SEMA4D: variants seen among roughly 807,000 people sequenced by gnomAD.
SEMA4D encodes semaphorin 4D, also known as semaphorin-4D.
Under a neutral mutation model 74.8 loss-of-function variants are expected in SEMA4D, and 22 were observed. The ratio of observed to expected loss-of-function variants is 0.29; its 90% CI spans 0.21 to 0.42. SEMA4D has a LOEUF of 0.42. SEMA4D is among the 10% of genes least tolerant of loss of function. The pLI is 1.00. For synonymous variants in SEMA4D, 445 were observed against 463.7 expected (o/e 0.96, Z 0.52); for missense variants, 937 against 1,118.4 (o/e 0.84, Z 2.31).
At chr9:89,401,646 A>G (rs1271879871) in intron 4 of SEMA4D, among the ~76,000 whole-genome samples, 1 of 152,176 alleles carries the variant, frequency 6.6e-6, no homozygotes, top group Non-Finnish European at 1.5e-5. Context: ...CTATGACTTC[A>G]TTGTGACACT....
At chr9:89,461,937 A>G (rs1857366765) in intron 1 of SEMA4D, among the ~76,000 whole-genome samples, 1 of 151,998 alleles carries the variant, frequency 6.6e-6, no homozygotes, top group Non-Finnish European at 1.5e-5. Context: ...TCCTGACCTC[A>G]TGATCTGCCC....
chr9:89,416,288 G>A (rs1008737709), intron 2 of SEMA4D, among the ~76,000 whole-genome samples: 1 of 152,184 alleles, frequency 6.6e-6, no homozygotes, highest in Non-Finnish European at 1.5e-5. Flanking sequence ...AGCGACACGT[G>A]GGAAGACCAC....
chr9:89,441,829 T>C (rs1851734487), intron 2 of SEMA4D, among the ~76,000 whole-genome samples: 1 of 152,176 alleles, frequency 6.6e-6, no homozygotes, highest in Non-Finnish European at 1.5e-5. Flanking sequence ...CTTCAGCTTC[T>C]GATCTAAGTG....
chr9:89,381,155 A>G lies in SEMA4D; in HGVS notation c.1619+19T>C. On this transcript the variant is annotated intron_variant, in intron 14 of 15. Transcript: ENST00000422704. The surrounding 1 kb of genome is among the most constrained non-coding windows in gnomAD (Gnocchi z 4.6). ...ACACACATGGGGGACATCCCCAGGC[A>G]GCGCATCCCGCCCCATACCTGCTGG... is the stretch of plus-strand genomic sequence containing the variant. 1.9e-6 allele frequency: 3 copies of G among 1,614,116 alleles called. No homozygotes were observed. Among genetic ancestry groups the G allele is most frequent in the Non-Finnish European group, 2.5e-6 (3 of 1,180,012 alleles).
intron 1 of SEMA4D, among the ~76,000 whole-genome samples, chr9:89,479,253 G>A (rs1862555821): frequency 6.6e-6 from 1 of 152,224 alleles, no homozygotes; most frequent in African/African-American, 2.4e-5. Context: ...AATCAAGGCA[G>A]TCAGGAAGTA....
intron 1 of SEMA4D, among the ~76,000 whole-genome samples, chr9:89,495,396 A>G (rs1288405007): frequency 2.0e-5 from 3 of 152,050 alleles, no homozygotes; most frequent in African/African-American, 7.2e-5. Context: ...TCTCCACCTG[A>G]CTGAATCAGC....
intron 2 of SEMA4D, among the ~76,000 whole-genome samples, chr9:89,409,821 T>C (rs1158370490): frequency 1.3e-5 from 2 of 152,176 alleles, no homozygotes; most frequent in Non-Finnish European, 2.9e-5. Flanking sequence ...ATCCCCCAAC[T>C]GCAATCAGTC....
chr9:89,387,638 T>A (rs1838823346), intron 11 of SEMA4D, 30 bp from the exon 12 acceptor site: 1 of 1,601,362 alleles, frequency 6.2e-7, no homozygotes, highest in Non-Finnish European at 8.5e-7. Flanking sequence ...GCTGTTAACG[T>A]GCTCGTGTCC....
intron 1 of SEMA4D, among the ~76,000 whole-genome samples, chr9:89,486,575 G>A (rs557496965): frequency 6.6e-6 from 1 of 152,220 alleles, no homozygotes; most frequent in South Asian, 2.1e-4. Flanking sequence ...CCTATGTTAA[G>A]GAATTGAATT....
intron 1 of SEMA4D, among the ~76,000 whole-genome samples, chr9:89,472,044 G>A (rs1340955235): frequency 6.6e-6 from 1 of 152,192 alleles, no homozygotes; most frequent in Admixed American, 6.5e-5. Flanking sequence ...TCGGGTGCAT[G>A]CCCGCTTAGG....
At chr9:89,375,130 G>A (rs536267644), downstream of SEMA4D, among the ~76,000 whole-genome samples, 47 of 152,242 alleles carry the variant, frequency 3.1e-4, no homozygotes, top group African/African-American at 1.1e-3. Context: ...AGGAGCCCTG[G>A]GTCCACGGCC....
rs1353090152 is a variant in SEMA4D at position 89,372,132 on chromosome 9, T to A, written c.1882+4701A>T. ...GGGTGTGGTGTGTGGGGTGTGTGTG[T>A]TGGGGGGCGTGGTGTGTGTCGGGTG... On this transcript the variant is annotated intron_variant, in intron 16 of 18. Coordinates refer to the SEMA4D transcript ENST00000339861. Among the ~76,000 whole-genome samples the A allele has an allele frequency of 3.2e-3, 53 of 16,590 alleles. 4 individuals are homozygous for A. Among genetic ancestry groups the A allele is most frequent in the African/African-American group, 0.013 (50 of 3,828 alleles). 10.9% of individuals were successfully genotyped at this position (16,590 alleles called of 152,430 possible).
In SEMA4D at chr9:89,379,176, G is replaced by A. The variant is rs1369395552; in HGVS notation, c.2117C>T (p.Thr706Ile). 1.2e-6 allele frequency: 2 copies of A among 1,614,234 alleles called. No homozygotes were observed. Among genetic ancestry groups the A allele is most frequent in the Admixed American group, 1.7e-5 (1 of 60,036 alleles). Residue 706 changes from threonine to isoleucine, a missense_variant, in exon 16 of 16, where the codon ACA becomes ATA. Transcript: ENST00000422704. ...TLPPKPAPTG[T>I]SCEPKIVINT... ...GATGACGATCTTTGGTTCGCAGGATGTGCCGGTGGGCGCAGGCTTGGGAGG... is the reference window on the plus strand; with the variant it reads ...GATGACGATCTTTGGTTCGCAGGATATGCCGGTGGGCGCAGGCTTGGGAGG...
At chr9:89,428,358 G>A (rs558874370) in intron 2 of SEMA4D, among the ~76,000 whole-genome samples, 1 of 152,354 alleles carries the variant, frequency 6.6e-6, no homozygotes, top group East Asian at 1.9e-4. Flanking sequence ...AGGGGAACCT[G>A]AACTGGAAGG....
intron 4 of SEMA4D, among the ~76,000 whole-genome samples, chr9:89,402,371 CT>C (rs1842395071): frequency 1.3e-5 from 2 of 152,146 alleles, no homozygotes; most frequent in Admixed American, 1.3e-4. Flanking sequence ...CTGATTCAAA[CT>C]AAACGTTTGA....
intron 9 of SEMA4D, among the ~76,000 whole-genome samples, chr9:89,390,627 G>C (rs946244407): frequency 6.6e-6 from 1 of 151,786 alleles, no homozygotes; most frequent in Non-Finnish European, 1.5e-5. Flanking sequence ...ATTTCCATGA[G>C]AGACGAATGG....
intron 11 of SEMA4D, among the ~76,000 whole-genome samples, chr9:89,388,104 G>A (rs1290070640): frequency 1.3e-5 from 2 of 152,214 alleles, no homozygotes; most frequent in Non-Finnish European, 2.9e-5. Flanking sequence ...GATGGTGTCA[G>A]GGACAGCTGC....
At chr9:89,469,170 TCAA>T (rs59612664) in intron 1 of SEMA4D, among the ~76,000 whole-genome samples, 38,929 of 151,326 alleles carry the variant, frequency 0.26, 5,097 homozygotes, top group Middle Eastern at 0.33. Context: ...GCACAAAGAG[TCAA>T]CAACTTAGAG....
chr9:89,453,741 T>G (rs1855209255), intron 2 of SEMA4D, among the ~76,000 whole-genome samples: 1 of 152,212 alleles, frequency 6.6e-6, no homozygotes, highest in Admixed American at 6.5e-5. Context: ...CCACAATGCC[T>G]GCTTTGTCCC....
Sources: allele counts gnomAD v4.1 joint callset (sites outside exome capture counted in the v4.1 genomes callset), GRCh38; gene constraint gnomAD v4.1.1; non-coding constraint Gnocchi (gnomAD v3.1); transcripts MANE v1.5; gene names NCBI Gene and HGNC (gene_info 2026-07-23, HGNC 2026-07-21).